The following MAP7 variants were observed in gnomAD, a reference collection of about 807,000 sequenced individuals.
MAP7 encodes the protein ensconsin.
Under a neutral mutation model 94.8 loss-of-function variants are expected in MAP7, and 52 were observed. The observed-to-expected ratio is 0.55, with a 90% CI of 0.44 to 0.69. The LOEUF (loss-of-function observed/expected upper bound fraction) is 0.69, where lower values mean the gene tolerates loss of function less well. Ranked by LOEUF, MAP7 falls within the 30% of genes least tolerant of loss-of-function variation. The pLI is 0.00. For synonymous variants in MAP7, 350 were observed against 357.0 expected (o/e 0.98, Z 0.22); for missense variants, 940 against 964.6 (o/e 0.97, Z 0.34).
At chr6:136,420,035 A>G (rs1790767824) in intron 2 of MAP7, 2 of 841,906 alleles carry the variant, frequency 2.4e-6, no homozygotes, top group South Asian at 1.3e-5. Flanking sequence ...TGATGCTGAT[A>G]AACTTCCAAA....
At chr6:136,404,266 T>C (rs1784970657) in intron 3 of MAP7, among the ~76,000 whole-genome samples, 1 of 152,136 alleles carries the variant, frequency 6.6e-6, no homozygotes, top group African/African-American at 2.4e-5. Context: ...CATTTATCTC[T>C]TGACCACACT....
chr6:136,532,419 A>C lies in MAP7; in HGVS notation c.67+17923T>G, dbSNP rs1420846173. 5.3e-5 allele frequency among the ~76,000 whole-genome samples: 8 copies of C among 152,236 alleles called. No homozygotes were observed. In the East Asian group the frequency reaches 1.3e-3, roughly 26 times the overall value. Reference sequence around the variant, plus strand: ...AAATAAGACAAGACTCCAGAGGAATAAAATAACAGAATTAAAGGTTAACAT... The same window carrying C: ...AAATAAGACAAGACTCCAGAGGAATCAAATAACAGAATTAAAGGTTAACAT... On this transcript the variant is annotated intron_variant, in intron 1 of 17. Coordinates refer to ENST00000354570, the MANE Select transcript of MAP7 (RefSeq NM_003980.6).
chr6:136,498,749 ATGTGTGTGTGTGTG>A (rs10634782), intron 1 of MAP7, among the ~76,000 whole-genome samples: 1 of 148,952 alleles, frequency 6.7e-6, no homozygotes, highest in Admixed American at 6.7e-5. Flanking sequence ...CTATATGGCA[ATGTGTGTGTGTGTG>A]TGTGTGTGTG....
chr6:136,517,472 T>C (rs1021607427), intron 1 of MAP7, among the ~76,000 whole-genome samples: 1 of 152,234 alleles, frequency 6.6e-6, no homozygotes, highest in Non-Finnish European at 1.5e-5. Context: ...GACATTTGGT[T>C]ATAAATTACC....
At chr6:136,510,787 A>G (rs1823033868) in intron 1 of MAP7, among the ~76,000 whole-genome samples, 1 of 152,154 alleles carries the variant, frequency 6.6e-6, no homozygotes, top group South Asian at 2.1e-4. Flanking sequence ...TATCACAGGT[A>G]TGTATAGAAA....
chr6:136,451,149 T>G (rs1397537942), intron 1 of MAP7, among the ~76,000 whole-genome samples: 1 of 152,240 alleles, frequency 6.6e-6, no homozygotes, highest in East Asian at 1.9e-4. Flanking sequence ...GGCACCTACT[T>G]AAATCTGCGC....
intron 2 of MAP7, 120 bp from the exon 3 acceptor site, chr6:136,411,817 A>T: frequency 1.3e-6 from 1 of 761,738 alleles, no homozygotes; most frequent in Non-Finnish European, 2.1e-6. Flanking sequence ...GCTGCACTTT[A>T]CAACAATAAG....
In MAP7 at chr6:136,402,732, C is replaced by T. The variant is rs1051114712; in HGVS notation, c.244+8888G>A. Among the ~76,000 whole-genome samples the T allele has an allele frequency of 1.2e-4, 18 of 151,932 alleles. No homozygotes were observed. In the East Asian group the frequency reaches 2.1e-3, roughly 18 times the overall value. On this transcript the variant is annotated intron_variant, in intron 3 of 17. Coordinates refer to ENST00000354570, the MANE Select transcript of MAP7 (RefSeq NM_003980.6). ...CCATCCTGGCTAACACGGTGAAACC[C>T]CGTCTCTACTAAAAATACAAAAAAT...
At chr6:136,501,433 T>C (rs558419215) in intron 1 of MAP7, among the ~76,000 whole-genome samples, 1 of 152,340 alleles carries the variant, frequency 6.6e-6, no homozygotes, top group East Asian at 1.9e-4. Flanking sequence ...TATTACCTTG[T>C]GTAAAATGGG....
At position 136,435,658 on chromosome 6, in the gene MAP7, G is replaced by T. The variant is rs1415757533; in HGVS notation, c.68-13859C>A. ...AAAACCTTAGAAAAATTTCAAAAGG[G>T]TGTGTGCTTTCTGTAAATAGTAAGG... On this transcript the variant is annotated intron_variant, in intron 1 of 17. Coordinates refer to ENST00000354570, the MANE Select transcript of MAP7 (RefSeq NM_003980.6). Among the ~76,000 whole-genome samples, 7 of 152,132 alleles carry T rather than the reference G, an allele frequency of 4.6e-5. No individual in the cohort carries two copies. The South Asian group carries it at 6.2e-4, about 13-fold the overall frequency.
intron 1 of MAP7, among the ~76,000 whole-genome samples, chr6:136,508,434 T>C (rs1334497932): frequency 6.6e-6 from 1 of 152,198 alleles, no homozygotes; most frequent in Admixed American, 6.5e-5. Context: ...TCAGAAGAGA[T>C]CTTCATCAGC....
At chr6:136,530,036 GT>G (rs1160555478) in intron 1 of MAP7, among the ~76,000 whole-genome samples, 6 of 152,288 alleles carry the variant, frequency 3.9e-5, no homozygotes, top group African/African-American at 1.2e-4. Context: ...TCAGCTTTCT[GT>G]TCACATTTAT....
chr6:136,397,042 C>T (rs987355488), intron 3 of MAP7, among the ~76,000 whole-genome samples: 1 of 152,072 alleles, frequency 6.6e-6, no homozygotes, highest in African/African-American at 2.4e-5. Flanking sequence ...TATTGAATTC[C>T]ACTACTACTT....
rs1261169549 is a variant in MAP7, at chr6:136,550,128, G to A, written c.67+214C>T. ...CCCGAGGGCGGCCGCAACCCCGGCC[G>A]GGGCCGAGCCGGGCTGGCCGAGCCG... On this transcript the variant is annotated intron_variant, in intron 1 of 17. Transcript: ENST00000354570. This position sits in a 1 kb window ranked among gnomAD's most constrained non-coding sequence, Gnocchi z 5.1. Among the ~76,000 whole-genome samples, 1 of 150,924 alleles carries A rather than the reference G, an allele frequency of 6.6e-6. No individual in the cohort carries two copies. The highest frequency in any genetic ancestry group is 1.5e-5 in the Non-Finnish European group (1 of 67,566).
intron 1 of MAP7, among the ~76,000 whole-genome samples, chr6:136,427,818 G>A (rs1199616802): frequency 6.6e-6 from 1 of 152,198 alleles, no homozygotes; most frequent in Non-Finnish European, 1.5e-5. Flanking sequence ...TAGTAAGAGT[G>A]TGGAGGCTTT....
At chr6:136,494,034 A>G (rs1317072423) in intron 1 of MAP7, among the ~76,000 whole-genome samples, 2 of 152,342 alleles carry the variant, frequency 1.3e-5, no homozygotes, top group East Asian at 3.9e-4. Flanking sequence ...TGTACCATAT[A>G]AAACCACTTT....
At chr6:136,359,277 C>T (rs1433504537) in intron 15 of MAP7, among the ~76,000 whole-genome samples, 1 of 151,960 alleles carries the variant, frequency 6.6e-6, no homozygotes, top group Non-Finnish European at 1.5e-5. Flanking sequence ...AGAATATGTA[C>T]AACTATTATT....
At chr6:136,416,471 T>C (rs2128753987) in intron 2 of MAP7, among the ~76,000 whole-genome samples, 1 of 152,248 alleles carries the variant, frequency 6.6e-6, no homozygotes, top group East Asian at 1.9e-4. Context: ...CCACTTATTT[T>C]CCCCTGAAAC....
At chr6:136,545,400 G>T (rs1017256667) in intron 1 of MAP7, 4 of 152,054 alleles carry the variant, frequency 2.6e-5, no homozygotes, top group Non-Finnish European at 5.9e-5. Flanking sequence ...GCACAGCTGA[G>T]CTCTTGTTAG....
Sources: allele counts gnomAD v4.1 joint callset (sites outside exome capture counted in the v4.1 genomes callset), GRCh38; gene constraint gnomAD v4.1.1; non-coding constraint Gnocchi (gnomAD v3.1); transcripts MANE v1.5; gene names NCBI Gene and HGNC (gene_info 2026-07-23, HGNC 2026-07-21).